RARB: variants seen among roughly 807,000 people sequenced by gnomAD.
RARB encodes retinoic acid receptor beta.
Under a neutral mutation model 51.9 loss-of-function variants are expected in RARB, and 17 were observed. The ratio of observed to expected loss-of-function variants is 0.33; its 90% CI spans 0.22 to 0.49. The LOEUF is 0.49. Among genes scored for constraint, RARB ranks in the 20% least tolerant of loss-of-function variants. The pLI is 0.99. For missense variants in RARB, 369 were observed against 550.8 expected (o/e 0.67, Z 3.30); for synonymous variants, 215 against 195.4 (o/e 1.10, Z -0.84).
intron 5 of RARB, among the ~76,000 whole-genome samples, chr3:25,384,496 G>C (rs1395017278): frequency 6.6e-6 from 1 of 152,148 alleles, no homozygotes; most frequent in African/African-American, 2.4e-5. Context: ...GGTATAGATG[G>C]TGATGGCCCT....
chr3:25,183,056 G>A (rs1575202360), intron 5 of RARB, among the ~76,000 whole-genome samples: 1 of 152,088 alleles, frequency 6.6e-6, no homozygotes. Flanking sequence ...CCTACAGAAC[G>A]GTTTGTGGTA....
At chr3:24,839,208 G>A (rs531013552) in intron 1 of RARB, among the ~76,000 whole-genome samples, 1 of 152,224 alleles carries the variant, frequency 6.6e-6, no homozygotes, top group African/African-American at 2.4e-5. Flanking sequence ...TGCAACTTTA[G>A]TGGTCTACTT....
At chr3:25,347,560 T>C (rs971939028) in intron 5 of RARB, among the ~76,000 whole-genome samples, 5 of 152,230 alleles carry the variant, frequency 3.3e-5, no homozygotes, top group Non-Finnish European at 7.3e-5. Flanking sequence ...GTTCACTTTG[T>C]GCAAACTTAT....
At chr3:24,929,409 A>T (rs945773967) in intron 2 of RARB, among the ~76,000 whole-genome samples, 2 of 152,130 alleles carry the variant, frequency 1.3e-5, no homozygotes, top group Non-Finnish European at 2.9e-5. Flanking sequence ...ATGATATTCA[A>T]TAAAGATGCG....
chr3:25,195,236 G>A (rs1365606794), intron 5 of RARB, among the ~76,000 whole-genome samples: 1 of 151,856 alleles, frequency 6.6e-6, no homozygotes, highest in African/African-American at 2.4e-5. Flanking sequence ...CATTTCTTGG[G>A]AGCCTACCAA....
chr3:25,580,809 A>T, intron 5 of RARB, 87 bp downstream of exon 5: 1 of 1,386,748 alleles, frequency 7.2e-7, no homozygotes, highest in Non-Finnish European at 9.7e-7. Context: ...GACATTGAAG[A>T]TCTCCAGAGG....
At chr3:25,549,676 T>A (rs1048272305) in intron 3 of RARB, among the ~76,000 whole-genome samples, 2 of 152,124 alleles carry the variant, frequency 1.3e-5, no homozygotes, top group Non-Finnish European at 2.9e-5. Context: ...CTGGACATTA[T>A]CCAAAGAATG....
intron 2 of RARB, among the ~76,000 whole-genome samples, chr3:25,017,189 GT>G (rs1204043912): frequency 3.3e-5 from 5 of 151,592 alleles, no homozygotes; most frequent in Admixed American, 6.6e-5. Flanking sequence ...TCCTGGCCTC[GT>G]TGTTTACAAA....
chr3:25,363,513 T>C (rs749914280), intron 5 of RARB, among the ~76,000 whole-genome samples: 1 of 152,180 alleles, frequency 6.6e-6, no homozygotes, highest in Non-Finnish European at 1.5e-5. Flanking sequence ...ACATCATTCT[T>C]GTCTCCTTTC....
At chr3:25,206,098 G>A (rs1167662078) in intron 5 of RARB, among the ~76,000 whole-genome samples, 1 of 152,056 alleles carries the variant, frequency 6.6e-6, no homozygotes, top group Non-Finnish European at 1.5e-5. Context: ...GGGTTTTTTG[G>A]AACATAACCT....
intron 4 of RARB, among the ~76,000 whole-genome samples, chr3:25,152,928 C>T (rs570254369): frequency 1.3e-5 from 2 of 152,250 alleles, no homozygotes; most frequent in South Asian, 2.1e-4. Context: ...AGGTGGACTG[C>T]AGTGTTTGAT....
chr3:25,205,249 G>A (rs572001643), intron 5 of RARB, among the ~76,000 whole-genome samples: 2 of 152,310 alleles, frequency 1.3e-5, no homozygotes, highest in Admixed American at 1.3e-4. Context: ...ATCTCCTGCT[G>A]TGCAGTTTGC....
At chr3:25,236,496 A>C (rs1702302968) in intron 5 of RARB, among the ~76,000 whole-genome samples, 1 of 152,124 alleles carries the variant, frequency 6.6e-6, no homozygotes, top group South Asian at 2.1e-4. Context: ...AACAATACAT[A>C]AATAAAGTTA....
intron 4 of RARB, among the ~76,000 whole-genome samples, chr3:25,142,980 T>C (rs2125337756): frequency 6.6e-6 from 1 of 152,164 alleles, no homozygotes; most frequent in South Asian, 2.1e-4. Context: ...GTCACAGTAG[T>C]GATAGGAATT....
At chr3:25,452,672 GT>G (rs200999947) in intron 1 of RARB, among the ~76,000 whole-genome samples, 16,806 of 147,760 alleles carry the variant, frequency 0.11, 958 homozygotes, top group African/African-American at 0.15. Flanking sequence ...AGCGGGGGGG[GT>G]TTGGTGAGAT....
chr3:25,519,667 T>A (rs1698320290), intron 3 of RARB, among the ~76,000 whole-genome samples: 1 of 152,214 alleles, frequency 6.6e-6, no homozygotes, highest in African/African-American at 2.4e-5. Flanking sequence ...CCACGTTTTT[T>A]AAGCTTACCT....
intron 2 of RARB, among the ~76,000 whole-genome samples, chr3:24,876,367 TATTA>T (rs897815254): frequency 1.6e-4 from 25 of 152,144 alleles, no homozygotes; most frequent in Middle Eastern, 3.2e-3. Context: ...ATTTCTTCTA[TATTA>T]ATTCACATTT....
intron 5 of RARB, among the ~76,000 whole-genome samples, chr3:25,387,750 G>C (rs1706838031): frequency 6.6e-6 from 1 of 151,878 alleles, no homozygotes; most frequent in African/African-American, 2.4e-5. Context: ...CAATGTCTTT[G>C]TTCGACCCTA....
chr3:25,480,434 C>T (rs1696168472), intron 2 of RARB, among the ~76,000 whole-genome samples: 1 of 152,320 alleles, frequency 6.6e-6, no homozygotes, highest in East Asian at 1.9e-4. Flanking sequence ...ACTTCTCTTT[C>T]CCTTTCCCTT....
Sources: allele counts gnomAD v4.1 joint callset (sites outside exome capture counted in the v4.1 genomes callset), GRCh38; gene constraint gnomAD v4.1.1; transcripts MANE v1.5; gene names NCBI Gene and HGNC (gene_info 2026-07-23, HGNC 2026-07-21).